The following CD96 variants were observed in gnomAD, a reference collection of about 807,000 sequenced individuals.
CD96 encodes the protein CD96 molecule.
In CD96, 70 loss-of-function variants were observed where a neutral mutation model predicts 71.3. That is an observed-to-expected ratio of 0.98 (90% CI 0.81 to 1.20). The LOEUF is 1.20. Among genes scored for constraint, CD96 ranks in the 50% most tolerant of loss-of-function variants. CD96 has a pLI of 0.00. For missense variants in CD96, 742 were observed against 677.5 expected (o/e 1.10, Z -1.06); for synonymous variants, 248 against 233.0 (o/e 1.06, Z -0.59).
chr3:111,593,773 C>T (rs746148851), intron 5 of CD96: 2 of 1,614,120 alleles, frequency 1.2e-6, no homozygotes, highest in African/African-American at 2.7e-5. Flanking sequence ...CCACCTGCTC[C>T]AGGAGCCTAC....
chr3:111,606,683 CT>C lies in CD96; in HGVS notation c.1088-14del. ...ACAATATTTTGTTCATTATAAATCT[CT>C]TTCTAATCCTTTAAGGTTCTGAAAT... On this transcript the variant is annotated splice_polypyrimidine_tract_variant and intron_variant, in intron 7 of 13. Coordinates refer to ENST00000352690, the MANE Select transcript of CD96 (RefSeq NM_005816.5). The C allele has an allele frequency of 7.9e-7, 1 of 1,272,780 alleles. No homozygotes were observed. The allele number at this position is 1,272,780 out of a possible 1,614,324, so 78.8% of individuals were successfully genotyped here. A position where few individuals can be genotyped will look rare whatever the true frequency, so the allele number is the denominator to read the frequency against.
At chr3:111,649,613 T>C (rs1939988034) in intron 13 of CD96, 85 bp from the exon 14 acceptor site, 2 of 889,008 alleles carry the variant, frequency 2.2e-6, no homozygotes, top group Admixed American at 1.7e-5. Flanking sequence ...GTGTTCTCCT[T>C]TAAAGAAACA....
intron 7 of CD96, among the ~76,000 whole-genome samples, chr3:111,603,521 A>T (rs908161730): frequency 6.6e-6 from 1 of 151,836 alleles, no homozygotes; most frequent in African/African-American, 2.4e-5. Context: ...TATTTCTGGC[A>T]GATTTGAAGA....
rs114726314 is a variant in CD96, at chr3:111,589,643, G to T, written c.807+4265G>T. On this transcript the variant is annotated intron_variant, in intron 5 of 13. Transcript: ENST00000352690. ...GTCCTTTCACATACTTTTATCTTGT[G>T]CTGCTCCCAGTGAGCCTCTGAAATA... 5.6e-3 allele frequency among the ~76,000 whole-genome samples: 852 copies of T among 152,192 alleles called. 5 individuals carry two copies. The highest frequency in any genetic ancestry group is 0.02 in the African/African-American group (818 of 41,508).
chr3:111,542,211 T>C lies in CD96; in HGVS notation c.-38T>C. ...TTGAAAACATCAATTGACTTTGTGA[T>C]CATTACAGAAATGCTGGTGTAAGGT... On this transcript the variant is annotated 5_prime_UTR_variant, in exon 1 of 14. Coordinates refer to ENST00000352690, the MANE Select transcript of CD96 (RefSeq NM_005816.5). The C allele has an allele frequency of 6.3e-7, 1 of 1,591,706 alleles. No homozygotes were observed. Among genetic ancestry groups the C allele is most frequent in the Non-Finnish European group, 8.6e-7 (1 of 1,159,588 alleles).
chr3:111,646,438 G>C (rs577193911), intron 12 of CD96, among the ~76,000 whole-genome samples: 3 of 151,296 alleles, frequency 2.0e-5, no homozygotes, highest in Admixed American at 6.6e-5. Context: ...TACCTTCTTA[G>C]GATACTTTAA....
intron 2 of CD96, among the ~76,000 whole-genome samples, chr3:111,564,798 GC>G (rs1201806717): frequency 6.6e-6 from 1 of 152,062 alleles, no homozygotes; most frequent in East Asian, 1.9e-4. Flanking sequence ...GGCCAGCCTA[GC>G]TTTTCTAGAG....
intron 10 of CD96, among the ~76,000 whole-genome samples, chr3:111,636,488 G>A (rs1204160211): frequency 1.3e-5 from 2 of 152,136 alleles, no homozygotes; most frequent in East Asian, 3.8e-4. Context: ...TGCACTGCAG[G>A]CCTTTTATCA....
chr3:111,550,807 T>G (rs1384568991), intron 2 of CD96, among the ~76,000 whole-genome samples: 1 of 152,064 alleles, frequency 6.6e-6, no homozygotes, highest in Admixed American at 6.6e-5. Flanking sequence ...GTTAACACAT[T>G]TGGATTTTTG....
At chr3:111,641,530 A>C (rs1160574448) in intron 12 of CD96, among the ~76,000 whole-genome samples, 1 of 152,252 alleles carries the variant, frequency 6.6e-6, no homozygotes, top group Non-Finnish European at 1.5e-5. Flanking sequence ...AATGAGATAG[A>C]CAGCAACAAA....
Position 111,578,935 on chromosome 3 carries a change from A to G in CD96, c.544-92A>G, listed in dbSNP as rs1349212322. The G allele has an allele frequency of 1.4e-5, 11 of 768,452 alleles. No individual in the cohort carries two copies. In the Admixed American group the frequency reaches 1.9e-4, roughly 14 times the overall value. The allele number at this position is 768,452 out of a possible 1,614,324, so 47.6% of individuals were successfully genotyped here. ...ATCCTTCATTCTTCCTCTCTACTTT[A>G]CAAAAAGTAAATGAATCAGTGCTTG... On this transcript the variant is annotated intron_variant, in intron 3 of 13. Transcript: ENST00000352690.
chr3:111,543,682 G>A, intron 1 of CD96, among the ~76,000 whole-genome samples: 1 of 152,166 alleles, frequency 6.6e-6, no homozygotes, highest in East Asian at 1.9e-4. Context: ...GCCCCTCCCA[G>A]CATTGCTAAC....
At chr3:111,594,171 C>T (rs1420608959) in intron 5 of CD96, 7 of 1,603,840 alleles carry the variant, frequency 4.4e-6, no homozygotes, top group South Asian at 3.4e-5. Context: ...ATCATTGTTC[C>T]CTCCTCTTCC....
At chr3:111,599,362 A>G (rs1365026090) in intron 6 of CD96, among the ~76,000 whole-genome samples, 1 of 152,158 alleles carries the variant, frequency 6.6e-6, no homozygotes, top group African/African-American at 2.4e-5. Flanking sequence ...TGGTTTTATT[A>G]GTTTATTTTT....
intron 2 of CD96, among the ~76,000 whole-genome samples, chr3:111,556,297 G>A (rs1336518985): frequency 4.1e-5 from 6 of 147,406 alleles, no homozygotes; most frequent in East Asian, 2.0e-4. Context: ...CTGGTGCGCC[G>A]CACCCACTAA....
chr3:111,664,816 C>A (rs1323749900), intron 14 of CD96, among the ~76,000 whole-genome samples: 1 of 152,024 alleles, frequency 6.6e-6, no homozygotes, highest in Non-Finnish European at 1.5e-5. Flanking sequence ...AGATTGAATC[C>A]TGTACTAGAA....
chr3:111,585,558 T>G (rs1463536058), intron 5 of CD96, among the ~76,000 whole-genome samples, 180 bp downstream of exon 5: 1 of 152,142 alleles, frequency 6.6e-6, no homozygotes, highest in Non-Finnish European at 1.5e-5. Context: ...TTTTTACTTT[T>G]AGACTTAGGG....
intron 8 of CD96, among the ~76,000 whole-genome samples, chr3:111,616,381 G>A (rs893316385): frequency 1.3e-5 from 2 of 152,116 alleles, no homozygotes; most frequent in Non-Finnish European, 2.9e-5. Flanking sequence ...AAGCCATCTG[G>A]CTAGGGCTGA....
At chr3:111,568,360 T>C (rs1440366493) in intron 3 of CD96, among the ~76,000 whole-genome samples, 1 of 152,208 alleles carries the variant, frequency 6.6e-6, no homozygotes, top group Non-Finnish European at 1.5e-5. Flanking sequence ...TAAGTACTGG[T>C]CTATTATTTT....
Sources: gnomAD v4.1 joint callset for allele counts (sites outside exome capture counted in the v4.1 genomes callset) on GRCh38, gnomAD v4.1.1 for gene constraint, MANE v1.5 for transcripts, NCBI Gene and HGNC (gene_info 2026-07-23, HGNC 2026-07-21) for gene names.